Variants in CRB1 observed in about 807,000 individuals in gnomAD.
The protein encoded by CRB1 is crumbs cell polarity complex component 1.
A neutral mutation model predicts 120.0 loss-of-function variants in CRB1; 83 were observed. That is an observed-to-expected ratio of 0.69 (90% CI 0.58 to 0.83). The LOEUF (loss-of-function observed/expected upper bound fraction) is 0.83, where lower values mean the gene tolerates loss of function less well. Among genes scored for constraint, CRB1 ranks in the 40% least tolerant of loss-of-function variants. The pLI is 0.00. For synonymous variants in CRB1, 625 were observed against 612.5 expected (o/e 1.02, Z -0.30); for missense variants, 1,699 against 1,687.6 (o/e 1.01, Z -0.12).
chr1:197,416,444 C>T (rs1458336091), intron 5 of CRB1, among the ~76,000 whole-genome samples: 1 of 151,954 alleles, frequency 6.6e-6, no homozygotes, highest in African/African-American at 2.4e-5. Context: ...ATATTTTGTC[C>T]TTCCATTATA....
chr1:197,358,461 C>T (rs1312065843), intron 5 of CRB1, among the ~76,000 whole-genome samples: 1 of 152,114 alleles, frequency 6.6e-6, no homozygotes, highest in Non-Finnish European at 1.5e-5. Flanking sequence ...TAGAATGTTC[C>T]AGAAAAGTGT....
intron 2 of CRB1, among the ~76,000 whole-genome samples, chr1:197,333,273 C>T (rs1015580098): frequency 2.0e-5 from 3 of 152,158 alleles, no homozygotes; most frequent in African/African-American, 7.2e-5. Flanking sequence ...CAGAAATGGT[C>T]TCAGAGAGAG....
At chr1:197,213,786 G>A in the CRB1 span, among the ~76,000 whole-genome samples, 2 of 151,728 alleles carry the variant, frequency 1.3e-5, no homozygotes, top group East Asian at 3.9e-4. Flanking sequence ...AACAACCAAT[G>A]GTTCAAAAAA....
intron 1 of CRB1, among the ~76,000 whole-genome samples, chr1:197,283,798 GATT>G (rs1461069545): frequency 3.3e-5 from 5 of 150,036 alleles, no homozygotes; most frequent in African/African-American, 7.4e-5. Context: ...ACATAAAACA[GATT>G]ATTATTTATA....
chr1:197,294,099 A>G (rs1038367601), intron 1 of CRB1, among the ~76,000 whole-genome samples: 14 of 152,212 alleles, frequency 9.2e-5, no homozygotes, highest in African/African-American at 3.4e-4. Flanking sequence ...TGCACAGCAA[A>G]AGAAACTACC....
chr1:197,313,447 G>A (rs1185719974), intron 1 of CRB1, among the ~76,000 whole-genome samples: 2 of 152,148 alleles, frequency 1.3e-5, no homozygotes, highest in Non-Finnish European at 2.9e-5. Flanking sequence ...TCTTCTTTGT[G>A]TTGGGAACAT....
At chr1:197,401,747 A>C (rs1186338633) in intron 5 of CRB1, among the ~76,000 whole-genome samples, 2 of 152,068 alleles carry the variant, frequency 1.3e-5, no homozygotes, top group African/African-American at 2.4e-5. Flanking sequence ...AGTCACATGA[A>C]GTTTATCTTT....
the CRB1 span, among the ~76,000 whole-genome samples, chr1:197,201,546 C>G: frequency 6.6e-6 from 1 of 152,212 alleles, no homozygotes. Context: ...ATCCGTTACT[C>G]CGGGTTTTCG....
chr1:197,420,518 A>G (rs1664250101), intron 5 of CRB1, among the ~76,000 whole-genome samples: 1 of 152,172 alleles, frequency 6.6e-6, no homozygotes, highest in East Asian at 1.9e-4. Flanking sequence ...TTTCTGGCAA[A>G]CTTTTAGGAA....
At chr1:197,247,438 A>T in the CRB1 span, among the ~76,000 whole-genome samples, 1 of 152,120 alleles carries the variant, frequency 6.6e-6, no homozygotes, top group Non-Finnish European at 1.5e-5. Context: ...GCAAGAAAAG[A>T]ACACCAAACC....
chr1:197,342,192 C>A (rs77282270), intron 2 of CRB1, among the ~76,000 whole-genome samples: 6 of 152,188 alleles, frequency 3.9e-5, no homozygotes, highest in Non-Finnish European at 7.3e-5. Context: ...TAGACCCTGG[C>A]GTCATTCAAA....
At chr1:197,267,325 T>C (rs1654672958), upstream of CRB1, among the ~76,000 whole-genome samples, 1 of 152,308 alleles carries the variant, frequency 6.6e-6, no homozygotes, top group Admixed American at 6.5e-5. Flanking sequence ...GGATAAATCC[T>C]ACTTCAGCAA....
At chr1:197,279,406 CTAAAG>C (rs1336797030) in intron 1 of CRB1, among the ~76,000 whole-genome samples, 1 of 151,786 alleles carries the variant, frequency 6.6e-6, no homozygotes, top group African/African-American at 2.4e-5. Context: ...ACAATTTCTC[CTAAAG>C]TAATCTTAAA....
At chr1:197,324,599 TA>T (rs1658391120) in intron 1 of CRB1, among the ~76,000 whole-genome samples, 1 of 152,176 alleles carries the variant, frequency 6.6e-6, no homozygotes, top group African/African-American at 2.4e-5. Context: ...CTCTATGAGA[TA>T]GGTGCCATTT....
intron 11 of CRB1, among the ~76,000 whole-genome samples, chr1:197,457,538 G>A (rs1666337083): frequency 6.6e-6 from 1 of 152,128 alleles, no homozygotes; most frequent in South Asian, 2.1e-4. Context: ...TGGAGAAAAT[G>A]TCTTGTTTAT....
chr1:197,255,227 T>A, the CRB1 span, among the ~76,000 whole-genome samples: 3 of 152,028 alleles, frequency 2.0e-5, no homozygotes, highest in African/African-American at 7.2e-5. Flanking sequence ...CTACTCTGAC[T>A]CTCTCTTCCC....
At chr1:197,240,282 G>A in the CRB1 span, among the ~76,000 whole-genome samples, 1 of 151,830 alleles carries the variant, frequency 6.6e-6, no homozygotes, top group African/African-American at 2.4e-5. Flanking sequence ...GGTTTCCTAC[G>A]TAAGTATACA....
At chr1:197,358,536 A>G (rs761233211) in intron 5 of CRB1, among the ~76,000 whole-genome samples, 15 of 152,192 alleles carry the variant, frequency 9.9e-5, no homozygotes, top group Non-Finnish European at 1.8e-4. Context: ...GACTGCCCCA[A>G]ATCTCTGTGG....
chr1:197,290,629 T>G (rs1558032813), intron 1 of CRB1, among the ~76,000 whole-genome samples: 1 of 151,708 alleles, frequency 6.6e-6, no homozygotes, highest in African/African-American at 2.4e-5. Context: ...GTCATGCTGA[T>G]TTTCAGCTCT....
Sources: gnomAD v4.1 joint callset for allele counts (sites outside exome capture counted in the v4.1 genomes callset) on GRCh38, gnomAD v4.1.1 for gene constraint, MANE v1.5 for transcripts, NCBI Gene and HGNC (gene_info 2026-07-23, HGNC 2026-07-21) for gene names.